Variants in MYO15A observed in about 807,000 individuals in gnomAD.
The protein encoded by MYO15A is unconventional myosin-XV.
MYO15A carries 308 observed loss-of-function variants against 394.6 expected under a neutral mutation model. That is an observed-to-expected ratio of 0.78 (90% CI 0.71 to 0.86). The LOEUF (loss-of-function observed/expected upper bound fraction) is 0.86. MYO15A is among the 40% of genes least tolerant of loss of function. MYO15A has a pLI of 0.00. For missense variants in MYO15A, 4,606 were observed against 4,799.1 expected, an observed-to-expected ratio of 0.96 and a Z score of 1.19; for synonymous variants, 1,957 against 2,003.8, an observed-to-expected ratio of 0.98 and a Z score of 0.62.
At chr17:18,161,167 G>A in intron 56 of MYO15A, 150 bp from the exon 57 acceptor site, 7 of 1,190,702 alleles carry the variant, frequency 5.9e-6, no homozygotes, top group Non-Finnish European at 8.4e-6. Context: ...AGCAGAATAT[G>A]CCTTTTGCAT....
intron 10 of MYO15A, among the ~76,000 whole-genome samples, chr17:18,131,819 C>T (rs1201781047): frequency 1.3e-5 from 2 of 152,118 alleles, no homozygotes; most frequent in Non-Finnish European, 2.9e-5. Context: ...CCAAACCCCT[C>T]ACCTCCTCCA....
Position 18,126,718 on chromosome 17 carries a change from TGCTCCC to T in MYO15A, c.3867-72_3867-67del, listed in dbSNP as rs748266915. On this transcript the variant is annotated intron_variant, in intron 5 of 65. Transcript: ENST00000647165. ...GATTGGCTGTTTGGCTGGATACGGA[TGCTCCC>T]TGCCCAATCCCTGGGAGGTGTGGGA... 8.4e-3 allele frequency: 12,750 copies of T among 1,524,396 alleles called. 84 individuals carry two copies. The highest frequency in any genetic ancestry group is 0.011 in the Non-Finnish European group (11,762 of 1,099,340). The allele number at this position is 1,524,396 out of a possible 1,614,324, so 94.4% of individuals were successfully genotyped here.
chr17:18,121,921 C>G lies in MYO15A; in HGVS notation c.3121C>G (p.Pro1041Ala), dbSNP rs763419176. 3 of 1,613,140 alleles carry G rather than the reference C, an allele frequency of 1.9e-6. No homozygotes were observed. The highest frequency in any genetic ancestry group is 2.5e-6 in the Non-Finnish European group (3 of 1,179,938). ...AGCACCTCCCAAGGATGTCACTCCCCCCAAGGATATCACTCCCCCCAAGGA... is the reference window on the plus strand; with the variant it reads ...AGCACCTCCCAAGGATGTCACTCCCGCCAAGGATATCACTCCCCCCAAGGA... ...TPAPPKDVTP[P>A]KDITPPKDVL... The change falls in exon 2 of 66, where the codon CCC becomes GCC. Residue 1041 changes from proline to alanine, a missense_variant. By Grantham distance (27) the Pro-to-Ala change is conservative (BLOSUM62 -1). Coordinates refer to ENST00000647165, the MANE Select transcript of MYO15A (RefSeq NM_016239.4). The surrounding 1 kb of genome is among the most constrained non-coding windows in gnomAD (Gnocchi z 5.3).
intron 47 of MYO15A, 58 bp downstream of exon 47, chr17:18,155,490 C>T (rs1224903336): frequency 3.3e-5 from 48 of 1,471,602 alleles, no homozygotes; most frequent in Non-Finnish European, 4.2e-5. Flanking sequence ...CTGGCATCGG[C>T]ATTTCCTTCC....
Position 18,136,294 on chromosome 17 carries a change from G to T in MYO15A, c.4597-123G>T, listed in dbSNP as rs1011876775. ...AGGGGTGGTCCTGCCTAGTCTCTGT[G>T]TGCACAGTCACAACATCCCTCCAGC... On this transcript the variant is annotated intron_variant, in intron 13 of 65. Coordinates refer to ENST00000647165, the MANE Select transcript of MYO15A (RefSeq NM_016239.4). 5 of 1,232,186 alleles carry T rather than the reference G, an allele frequency of 4.1e-6. No homozygotes were observed. The African/African-American group carries it at 7.4e-5, about 18-fold the overall frequency. 76.3% of individuals were successfully genotyped at this position (1,232,186 alleles called of 1,614,324 possible).
In MYO15A at chr17:18,147,967, G is replaced by T; in HGVS notation, c.6510-62G>T. 1 of 1,602,700 alleles carries T rather than the reference G, an allele frequency of 6.2e-7. No homozygotes were observed. Among genetic ancestry groups the T allele is most frequent in the Non-Finnish European group, 8.5e-7 (1 of 1,170,476 alleles). ...CAGAATTTCCTACCCCCACCCCGCA[G>T]CCCTCAGCCCCAAGCTAGCTTCAGA... is the stretch of plus-strand genomic sequence containing the variant. On this transcript the variant is annotated intron_variant, in intron 30 of 65. Transcript: ENST00000647165. The surrounding 1 kb of genome is among the most constrained non-coding windows in gnomAD (Gnocchi z 4.4).
At position 18,131,296 on chromosome 17, in the gene MYO15A, G is replaced by A. The variant is rs368603235; in HGVS notation, c.4096G>A (p.Asp1366Asn). 5.0e-5 allele frequency: 81 copies of A among 1,614,042 alleles called. No homozygotes were observed. The African/African-American group carries it at 7.9e-4, about 16-fold the overall frequency. The part of the protein sequence containing the change: ...SFGNAKTVRN[D>N]NSSRFGKFVE... ...CGGTAATGCCAAAACCGTCAGGAAC[G>A]ACAACTCCAGCCGCTTTGGGAAGTT... Residue 1366 changes from aspartate (D) to asparagine (N), a missense_variant, in exon 9 of 66, where the codon GAC (aspartate) becomes AAC (asparagine). Physicochemically the swap from Asp to Asn is conservative, Grantham distance 23. This residue lies in a region of MYO15A where 2,776 missense variants were observed against 3,109.3 expected (regional missense o/e 0.89). Transcript: ENST00000647165.
In MYO15A at chr17:18,149,813, TGTG is replaced by T. The variant is rs2046546946; in HGVS notation, c.7212+238_7212+240del. ...AGTTAGAAGTGCACCTCTAGCAAGG[TGTG>T]GTGGCATGCCTCTGTAGTCCCAACT... On this transcript the variant is annotated intron_variant, in intron 35 of 65. Transcript: ENST00000647165. 1.7e-5 allele frequency: 10 copies of T among 590,338 alleles called. No homozygotes were observed. The South Asian group carries it at 1.8e-4, about 11-fold the overall frequency. 36.6% of individuals were successfully genotyped at this position (590,338 alleles called of 1,614,324 possible). A position where few individuals can be genotyped will look rare whatever the true frequency, so the allele number is the denominator to read the frequency against.
At chr17:18,173,163 G>T (rs188137829) in intron 64 of MYO15A, among the ~76,000 whole-genome samples, 104 of 152,236 alleles carry the variant, frequency 6.8e-4, no homozygotes, top group African/African-American at 2.4e-3. Flanking sequence ...TTCTCTCCTG[G>T]GGGTGAGGGA....
Position 18,126,473 on chromosome 17 carries a change from C to T in MYO15A, c.3866+17C>T, listed in dbSNP as rs773440820. On this transcript the variant is annotated intron_variant, in intron 5 of 65. Transcript: ENST00000647165. ...GAATCCCCCGTGAGTGTCTCGGGGGCGCTGCCCTGGGGTCTCTTGGGCCCC... is the reference window on the plus strand; with the variant it reads ...GAATCCCCCGTGAGTGTCTCGGGGGTGCTGCCCTGGGGTCTCTTGGGCCCC... The T allele has an allele frequency of 2.3e-5, 37 of 1,604,642 alleles. No individual in the cohort carries two copies. The highest frequency in any genetic ancestry group is 8.9e-5 in the East Asian group (4 of 44,750).
intron 54 of MYO15A, 118 bp from the exon 55 acceptor site, chr17:18,159,488 G>A: frequency 6.8e-7 from 1 of 1,477,900 alleles, no homozygotes; most frequent in Non-Finnish European, 9.4e-7. Context: ...TAAGAGAATA[G>A]AAGCTCCCAG....
At chr17:18,136,360 C>T in intron 13 of MYO15A, 57 bp from the exon 14 acceptor site, 1 of 1,605,838 alleles carries the variant, frequency 6.2e-7, no homozygotes, top group Non-Finnish European at 8.5e-7. Flanking sequence ...CCCCTGGGGG[C>T]TTTCCGGAGG....
chr17:18,136,478 G>A lies in MYO15A; in HGVS notation c.4655+3G>A, dbSNP rs1597785509. On this transcript the variant is annotated splice_donor_region_variant and intron_variant, in intron 14 of 65. Coordinates refer to ENST00000647165, the MANE Select transcript of MYO15A (RefSeq NM_016239.4). Reference sequence around the variant, plus strand: ...GTGGAGAGCGCTGTGGATGCCAGGTGAGGCCACGCCCTCCCCTGCCTGAGC... The same window carrying A: ...GTGGAGAGCGCTGTGGATGCCAGGTAAGGCCACGCCCTCCCCTGCCTGAGC... 1.2e-6 allele frequency: 2 copies of A among 1,613,704 alleles called. No individual in the cohort carries two copies. Among genetic ancestry groups the A allele is most frequent in the Admixed American group, 3.3e-5 (2 of 60,030 alleles).
chr17:18,120,503 C>T lies in MYO15A; in HGVS notation c.1703C>T (p.Pro568Leu), dbSNP rs911435303. 1.9e-6 allele frequency: 3 copies of T among 1,578,146 alleles called. No homozygotes were observed. The highest frequency in any genetic ancestry group is 3.6e-5 in the Admixed American group (2 of 55,236). The change falls in exon 2 of 66, where the codon CCT (proline) becomes CTT (leucine). Residue 568 changes from proline to leucine, a missense_variant. Around this residue, in one of 2 missense-constraint regions of MYO15A, gnomAD observed 1,830 missense variants for 1,689.7 expected, o/e 1.08. Transcript: ENST00000647165. ...GAGTTTGGCCGCCCCGTGCCTCGCC[C>T]TGCCACCTCGCTTGCGCGGTTCCTC... ...GPEFGRPVPR[P>L]ATSLARFLKK...
intron 47 of MYO15A, 120 bp from the exon 48 acceptor site, chr17:18,156,075 A>G: frequency 6.6e-7 from 1 of 1,507,042 alleles, no homozygotes; most frequent in East Asian, 2.3e-5. Flanking sequence ...GGGAGCTGGC[A>G]CAATGGGGCC....
rs1372036879 is a variant in MYO15A at position 18,121,423 on chromosome 17, C to T, written c.2623C>T (p.Leu875Phe). The T allele has an allele frequency of 3.2e-6, 5 of 1,544,284 alleles. No homozygotes were observed. In the South Asian group the frequency reaches 6.0e-5, roughly 18 times the overall value. Residue 875 changes from leucine (L) to phenylalanine (F), a missense_variant, in exon 2 of 66, where the codon CTC becomes TTC. Leu to Phe is a conservative substitution (Grantham distance 22). Transcript: ENST00000647165. This position sits in a 1 kb window ranked among gnomAD's most constrained non-coding sequence, Gnocchi z 5.3. ...PSRLPHTWRR[L>F]SEPPTRAVKP... is the part of the protein sequence containing the mutation. Reference sequence around the variant, plus strand: ...GCGCCTCCCGCACACGTGGCGGCGCCTCAGCGAGCCACCCACTCGGGCTGT... The same window carrying T: ...GCGCCTCCCGCACACGTGGCGGCGCTTCAGCGAGCCACCCACTCGGGCTGT...
chr17:18,161,172 T>C, intron 56 of MYO15A, 145 bp from the exon 57 acceptor site: 1 of 1,232,126 alleles, frequency 8.1e-7, no homozygotes, highest in East Asian at 2.5e-5. Context: ...AATATGCCTT[T>C]TGCATATCAC....
Position 18,154,098 on chromosome 17 carries a change from C to G in MYO15A, c.8089-33C>G, listed in dbSNP as rs372942341. 4.4e-5 allele frequency: 71 copies of G among 1,612,796 alleles called. No homozygotes were observed. The African/African-American group carries it at 8.0e-4, about 18-fold the overall frequency. ...GTGTGAAGCAAGGCCAGGGGGCAGT[C>G]GGACAGTACCCACTGAAGCCCCGCC... On this transcript the variant is annotated intron_variant, in intron 43 of 65. Transcript: ENST00000647165.
rs1464379823 is a variant in MYO15A at position 18,117,808 on chromosome 17, G to C, written c.-219-774G>C. Among the ~76,000 whole-genome samples, 1 of 152,204 alleles carries C rather than the reference G, an allele frequency of 6.6e-6. No individual in the cohort carries two copies. Among genetic ancestry groups the C allele is most frequent in the African/African-American group, 2.4e-5 (1 of 41,438 alleles). On this transcript the variant is annotated intron_variant, in intron 1 of 65. Coordinates refer to ENST00000647165, the MANE Select transcript of MYO15A (RefSeq NM_016239.4). This position sits in a 1 kb window ranked among gnomAD's most constrained non-coding sequence, Gnocchi z 4.1. ...TCAGCCAGGGCAGAAAGTAAGAGGA[G>C]AGGACAGGGCTAGGCAGGGACCCCA...
Sources: allele counts gnomAD v4.1 joint callset (sites outside exome capture counted in the v4.1 genomes callset), GRCh38; gene constraint gnomAD v4.1.1; regional missense constraint gnomAD v4.1.1; non-coding constraint Gnocchi (gnomAD v3.1); transcripts MANE v1.5; gene names NCBI Gene and HGNC (gene_info 2026-07-23, HGNC 2026-07-21).